The following INPP4B variants were observed in gnomAD, a reference collection of about 807,000 sequenced individuals.
The protein encoded by INPP4B is inositol polyphosphate-4-phosphatase type II B, also known as inositol polyphosphate 4-phosphatase type II.
Under a neutral mutation model 122.5 loss-of-function variants are expected in INPP4B, and 55 were observed. That is an observed-to-expected ratio of 0.45 (90% CI 0.36 to 0.56). The LOEUF (loss-of-function observed/expected upper bound fraction) is 0.56. INPP4B is among the 20% of genes least tolerant of loss of function. The pLI, the probability that INPP4B is intolerant of heterozygous loss-of-function variation, is 0.00. For synonymous variants in INPP4B, 403 were observed against 388.7 expected, an observed-to-expected ratio of 1.04 and a Z score of -0.43; for missense variants, 1,000 against 1,097.7, an observed-to-expected ratio of 0.91 and a Z score of 1.26.
At chr4:142,461,442 GC>G (rs1366286693) in intron 3 of INPP4B, among the ~76,000 whole-genome samples, 2 of 152,134 alleles carry the variant, frequency 1.3e-5, no homozygotes, top group African/African-American at 4.8e-5. Context: ...TATTTAGGAA[GC>G]TTTTGCTCCA....
intron 2 of INPP4B, among the ~76,000 whole-genome samples, chr4:142,640,618 T>C (rs931841474): frequency 1.3e-5 from 2 of 152,058 alleles, no homozygotes; most frequent in African/African-American, 4.8e-5. Context: ...AAATTAGAGA[T>C]AAATTAAAAA....
intron 1 of INPP4B, among the ~76,000 whole-genome samples, chr4:142,802,197 G>A (rs917713105): frequency 6.6e-6 from 1 of 152,038 alleles, no homozygotes; most frequent in Non-Finnish European, 1.5e-5. Context: ...TTTTTAATGT[G>A]GCAAATCCCC....
chr4:142,501,192 T>C (rs900112793), intron 2 of INPP4B, among the ~76,000 whole-genome samples: 1 of 152,178 alleles, frequency 6.6e-6, no homozygotes, highest in African/African-American at 2.4e-5. Flanking sequence ...GGTCATCAGG[T>C]GACTGCCAGT....
At chr4:142,772,719 G>A (rs1773273825) in intron 1 of INPP4B, among the ~76,000 whole-genome samples, 1 of 152,110 alleles carries the variant, frequency 6.6e-6, no homozygotes, top group Admixed American at 6.5e-5. Flanking sequence ...AATGTATGAA[G>A]GAAAATTCAC....
chr4:142,594,929 T>C (rs919832537), intron 2 of INPP4B, among the ~76,000 whole-genome samples: 3 of 119,240 alleles, frequency 2.5e-5, no homozygotes, highest in Admixed American at 1.1e-4. Flanking sequence ...CACTCCAGCC[T>C]GGGCGACAGG....
chr4:142,272,279 G>T (rs1746228254), intron 9 of INPP4B, among the ~76,000 whole-genome samples: 1 of 151,918 alleles, frequency 6.6e-6, no homozygotes, highest in African/African-American at 2.4e-5. Flanking sequence ...TAGGTGAAAA[G>T]AAACGCTGAT....
At chr4:142,791,157 A>G (rs948808446) in intron 1 of INPP4B, among the ~76,000 whole-genome samples, 3 of 152,150 alleles carry the variant, frequency 2.0e-5, no homozygotes, top group Non-Finnish European at 4.4e-5. Context: ...GAATATTGCA[A>G]TGATCTGACT....
At chr4:142,041,254 G>T (rs1747289227) in intron 25 of INPP4B, among the ~76,000 whole-genome samples, 1 of 151,930 alleles carries the variant, frequency 6.6e-6, no homozygotes. Flanking sequence ...CCATACCATA[G>T]GATTATTGTG....
chr4:142,113,005 A>G (rs1468759634), intron 21 of INPP4B, among the ~76,000 whole-genome samples: 4 of 152,100 alleles, frequency 2.6e-5, no homozygotes, highest in African/African-American at 7.2e-5. Flanking sequence ...TTAAAACTCA[A>G]TCAGTCCTAA....
intron 7 of INPP4B, among the ~76,000 whole-genome samples, chr4:142,398,485 C>A (rs1800481215): frequency 8.3e-6 from 1 of 120,402 alleles, no homozygotes; most frequent in African/African-American, 3.4e-5. Context: ...TACTTGTAAA[C>A]AATCTCAATT....
At chr4:142,521,187 A>G (rs1176872329) in intron 2 of INPP4B, among the ~76,000 whole-genome samples, 1 of 152,006 alleles carries the variant, frequency 6.6e-6, no homozygotes, top group Non-Finnish European at 1.5e-5. Flanking sequence ...ACAATTAGGG[A>G]AAATTAAGTG....
intron 10 of INPP4B, among the ~76,000 whole-genome samples, chr4:142,268,322 C>CAAAA (rs56908599): frequency 0.02 from 138 of 6,894 alleles, 32 homozygotes; most frequent in African/African-American, 0.03. Flanking sequence ...GACTCCGTCT[C>CAAAA]AAAAAAAAAA....
chr4:142,393,730 C>A (rs1425492131), intron 7 of INPP4B, among the ~76,000 whole-genome samples: 1 of 152,238 alleles, frequency 6.6e-6, no homozygotes, highest in African/African-American at 2.4e-5. Context: ...AGCAGCCATA[C>A]TTCAACCAAT....
chr4:142,516,469 T>C (rs1423783022), intron 2 of INPP4B, among the ~76,000 whole-genome samples: 1 of 152,172 alleles, frequency 6.6e-6, no homozygotes, highest in Admixed American at 6.5e-5. Flanking sequence ...AATCATCTTC[T>C]TTCACAGTTG....
At chr4:142,218,060 G>C (rs1038171737) in intron 12 of INPP4B, among the ~76,000 whole-genome samples, 5 of 151,704 alleles carry the variant, frequency 3.3e-5, no homozygotes, top group African/African-American at 1.2e-4. Context: ...GTGTGTGTGT[G>C]TTCTATTCTG....
intron 15 of INPP4B, among the ~76,000 whole-genome samples, chr4:142,175,176 G>A (rs1184215843): frequency 6.6e-6 from 1 of 152,126 alleles, no homozygotes; most frequent in Non-Finnish European, 1.5e-5. Flanking sequence ...TGCAGTCGAT[G>A]TTATTTACTG....
chr4:142,660,369 T>C (rs1054650164), intron 2 of INPP4B, among the ~76,000 whole-genome samples: 1 of 152,230 alleles, frequency 6.6e-6, no homozygotes, highest in Non-Finnish European at 1.5e-5. Flanking sequence ...TCTTTCTAGA[T>C]GGGTAGCCAT....
chr4:142,110,801 T>C (rs1789631415), intron 22 of INPP4B, among the ~76,000 whole-genome samples: 1 of 152,090 alleles, frequency 6.6e-6, no homozygotes, highest in South Asian at 2.1e-4. Context: ...ACTAAAACAA[T>C]CACAATAACA....
intron 15 of INPP4B, among the ~76,000 whole-genome samples, chr4:142,176,413 C>T (rs1243066384): frequency 2.0e-5 from 3 of 151,982 alleles, no homozygotes; most frequent in Non-Finnish European, 4.4e-5. Flanking sequence ...CATACACTCA[C>T]TTCTATCCAT....
Sources: allele counts gnomAD v4.1 joint callset (sites outside exome capture counted in the v4.1 genomes callset), GRCh38; gene constraint gnomAD v4.1.1; transcripts MANE v1.5; gene names NCBI Gene and HGNC (gene_info 2026-07-23, HGNC 2026-07-21).